EPHB1: variants seen among roughly 807,000 people sequenced by gnomAD.
The protein encoded by EPHB1 is ephrin type-B receptor 1.
A neutral mutation model predicts 94.4 loss-of-function variants in EPHB1; 30 were observed. The observed-to-expected ratio is 0.32, with a 90% CI of 0.24 to 0.43. The LOEUF is 0.43. EPHB1 is among the 20% of genes least tolerant of loss of function. EPHB1 has a pLI of 1.00. For synonymous variants in EPHB1, 522 were observed against 489.1 expected, an observed-to-expected ratio of 1.07 and a Z score of -0.89; for missense variants, 1,055 against 1,308.3, an observed-to-expected ratio of 0.81 and a Z score of 2.99.
intron 12 of EPHB1, among the ~76,000 whole-genome samples, chr3:135,226,045 A>G (rs1218828723): frequency 6.6e-6 from 1 of 152,238 alleles, no homozygotes; most frequent in Non-Finnish European, 1.5e-5. Context: ...GCTAAAGCCT[A>G]AATCTAGCTG....
chr3:134,955,697 C>A (rs1933241628), intron 3 of EPHB1, among the ~76,000 whole-genome samples: 1 of 40,156 alleles, frequency 2.5e-5, no homozygotes, highest in Non-Finnish European at 4.9e-5. Context: ...GCACTATTCA[C>A]AATAGCAAAG....
chr3:135,240,559 G>C (rs1943756655), intron 12 of EPHB1, among the ~76,000 whole-genome samples: 1 of 152,154 alleles, frequency 6.6e-6, no homozygotes, highest in Admixed American at 6.5e-5. Context: ...ACAGCACTGG[G>C]ACCATTCAAC....
chr3:135,256,394 G>C lies in EPHB1; in HGVS notation c.2847-2618G>C, dbSNP rs1157060171. On this transcript the variant is annotated intron_variant, in intron 15 of 15. Transcript: ENST00000398015. ...TCCATATTTAGCGCTTCCTTCAGGAGCTCTTGTAGGGCAGGTCTGGTGGTG... is the reference window on the plus strand; with the variant it reads ...TCCATATTTAGCGCTTCCTTCAGGACCTCTTGTAGGGCAGGTCTGGTGGTG... Among the ~76,000 whole-genome samples the C allele has an allele frequency of 3.9e-5, 6 of 152,250 alleles. No homozygotes were observed. In the South Asian group the frequency reaches 1.2e-3, roughly 32 times the overall value.
At chr3:134,999,115 G>A (rs1935092426) in intron 3 of EPHB1, among the ~76,000 whole-genome samples, 1 of 152,142 alleles carries the variant, frequency 6.6e-6, no homozygotes, top group South Asian at 2.1e-4. Flanking sequence ...CACTGGTGAT[G>A]GTTAATTTCA....
intron 12 of EPHB1, among the ~76,000 whole-genome samples, chr3:135,222,385 G>A (rs1039005714): frequency 6.6e-6 from 1 of 152,162 alleles, no homozygotes; most frequent in Non-Finnish European, 1.5e-5. Context: ...ATTGGTAAAT[G>A]GGGGAGTGAT....
intron 3 of EPHB1, among the ~76,000 whole-genome samples, chr3:135,032,358 A>T (rs1402601163): frequency 7.3e-6 from 1 of 136,424 alleles, no homozygotes; most frequent in South Asian, 2.3e-4. Flanking sequence ...ATTAGCTTTT[A>T]TTTTTATTTC....
At chr3:135,088,650 A>G (rs1938444935) in intron 3 of EPHB1, among the ~76,000 whole-genome samples, 1 of 152,204 alleles carries the variant, frequency 6.6e-6, no homozygotes, top group African/African-American at 2.4e-5. Context: ...TCAGCCAGCA[A>G]AAATGAGGAA....
intron 1 of EPHB1, among the ~76,000 whole-genome samples, chr3:134,813,662 G>A (rs573036555): frequency 6.6e-6 from 1 of 152,212 alleles, no homozygotes; most frequent in South Asian, 2.1e-4. Flanking sequence ...GGTTCTTGTT[G>A]CATTCAAGCC....
chr3:134,975,548 A>C (rs1934153359), intron 3 of EPHB1, among the ~76,000 whole-genome samples: 1 of 152,092 alleles, frequency 6.6e-6, no homozygotes, highest in Non-Finnish European at 1.5e-5. Flanking sequence ...CCCCTCATGC[A>C]ACACATACTG....
intron 5 of EPHB1, among the ~76,000 whole-genome samples, chr3:135,140,936 G>A (rs1161839694): frequency 1.3e-5 from 2 of 152,172 alleles, no homozygotes; most frequent in African/African-American, 2.4e-5. Context: ...TTCTCTGAGC[G>A]GATGTGAAAG....
At chr3:135,067,376 G>A (rs567066906) in intron 3 of EPHB1, among the ~76,000 whole-genome samples, 26 of 152,238 alleles carry the variant, frequency 1.7e-4, no homozygotes, top group Non-Finnish European at 3.5e-4. Flanking sequence ...TGTGGCTGCT[G>A]TGGGGGATGG....
chr3:134,860,799 A>C (rs924473448), intron 1 of EPHB1, among the ~76,000 whole-genome samples: 9 of 19,810 alleles, frequency 4.5e-4, no homozygotes, highest in Admixed American at 3.1e-3. Context: ...GCCAGGTGAC[A>C]AAAAAAAAAA....
intron 3 of EPHB1, among the ~76,000 whole-genome samples, chr3:135,080,236 T>G (rs912863562): frequency 6.6e-6 from 1 of 152,166 alleles, no homozygotes; most frequent in African/African-American, 2.4e-5. Flanking sequence ...TGATGCACTC[T>G]GCAGGGCAAA....
chr3:135,057,162 G>A (rs1330337029), intron 3 of EPHB1, among the ~76,000 whole-genome samples: 1 of 152,196 alleles, frequency 6.6e-6, no homozygotes, highest in African/African-American at 2.4e-5. Flanking sequence ...AAGGCTTCAT[G>A]GTTGCAAAGA....
chr3:135,044,240 G>T (rs532765111), intron 3 of EPHB1, among the ~76,000 whole-genome samples: 5 of 152,294 alleles, frequency 3.3e-5, no homozygotes, highest in African/African-American at 1.2e-4. Context: ...TGGCTGCATT[G>T]TTACTGTAGC....
chr3:135,173,556 C>T (rs1038496938), intron 9 of EPHB1, among the ~76,000 whole-genome samples: 5 of 152,216 alleles, frequency 3.3e-5, no homozygotes, highest in Admixed American at 2.0e-4. Context: ...GCTGGGCACC[C>T]ATGACCCCTG....
chr3:135,046,955 A>T (rs1279963657), intron 3 of EPHB1, among the ~76,000 whole-genome samples: 1 of 152,250 alleles, frequency 6.6e-6, no homozygotes, highest in Non-Finnish European at 1.5e-5. Flanking sequence ...GCCCACAGCC[A>T]CAGCCCCTTG....
intron 1 of EPHB1, among the ~76,000 whole-genome samples, chr3:134,907,428 C>G (rs1269887284): frequency 6.6e-6 from 1 of 152,150 alleles, no homozygotes; most frequent in Non-Finnish European, 1.5e-5. Flanking sequence ...ATAAAGAAAA[C>G]ACAGCTCAGT....
intron 3 of EPHB1, among the ~76,000 whole-genome samples, chr3:135,030,073 A>G (rs374404686): frequency 3.3e-5 from 5 of 151,130 alleles, no homozygotes; most frequent in Non-Finnish European, 7.4e-5. Context: ...TTTCAGCTCC[A>G]TCAGCTCCTT....
Sources: allele counts gnomAD v4.1 joint callset (sites outside exome capture counted in the v4.1 genomes callset), GRCh38; gene constraint gnomAD v4.1.1; transcripts MANE v1.5; gene names NCBI Gene and HGNC (gene_info 2026-07-23, HGNC 2026-07-21).